Variants in PRELID2 observed in about 807,000 individuals in gnomAD.
PRELID2 encodes the protein PRELI domain-containing protein 2.
Under a neutral mutation model 28.4 loss-of-function variants are expected in PRELID2, and 25 were observed. The ratio of observed to expected loss-of-function variants is 0.88; its 90% CI spans 0.64 to 1.23. The LOEUF (loss-of-function observed/expected upper bound fraction) is 1.23. PRELID2 is among the 50% of genes most tolerant of loss of function. The pLI, the probability that PRELID2 is intolerant of heterozygous loss-of-function variation, is 0.00. For synonymous variants in PRELID2, 76 were observed against 71.6 expected (o/e 1.06, Z -0.31); for missense variants, 201 against 214.4 (o/e 0.94, Z 0.39).
At chr5:145,568,991 C>G (rs945790533) in intron 1 of PRELID2, among the ~76,000 whole-genome samples, 2 of 152,212 alleles carry the variant, frequency 1.3e-5, no homozygotes, top group African/African-American at 4.8e-5. Context: ...CTGTTTGAAA[C>G]TTTCCTATTT....
At chr5:145,654,005 G>A (rs1300034504) in intron 1 of PRELID2, among the ~76,000 whole-genome samples, 2 of 151,836 alleles carry the variant, frequency 1.3e-5, no homozygotes, top group African/African-American at 4.8e-5. Context: ...TCGCTAGCAA[G>A]ACTAATAAAG....
At chr5:145,239,721 C>T in the PRELID2 span, among the ~76,000 whole-genome samples, 92 of 151,870 alleles carry the variant, frequency 6.1e-4, no homozygotes, top group African/African-American at 2.0e-3. Flanking sequence ...GATTTTTAAC[C>T]CATAAGAGTC....
chr5:145,385,934 C>T, the PRELID2 span, among the ~76,000 whole-genome samples: 1 of 152,122 alleles, frequency 6.6e-6, no homozygotes, highest in East Asian at 1.9e-4. Flanking sequence ...CAGATCTCGT[C>T]TTGATTTGTA....
the PRELID2 span, among the ~76,000 whole-genome samples, chr5:145,337,527 C>A: frequency 6.6e-6 from 1 of 151,558 alleles, no homozygotes; most frequent in African/African-American, 2.4e-5. Context: ...GTGCTTCTGA[C>A]CTACCAGCTA....
the PRELID2 span, among the ~76,000 whole-genome samples, chr5:145,457,836 T>C: frequency 6.6e-6 from 1 of 152,176 alleles, no homozygotes; most frequent in Non-Finnish European, 1.5e-5. Flanking sequence ...TACATATTTG[T>C]AAAAGCTGCA....
chr5:145,239,356 G>A, the PRELID2 span, among the ~76,000 whole-genome samples: 2 of 151,958 alleles, frequency 1.3e-5, no homozygotes, highest in Non-Finnish European at 2.9e-5. Context: ...TTGGAGTGAT[G>A]AGAGGACATA....
At chr5:145,331,358 T>C in the PRELID2 span, among the ~76,000 whole-genome samples, 1 of 151,912 alleles carries the variant, frequency 6.6e-6, no homozygotes, top group Non-Finnish European at 1.5e-5. Flanking sequence ...TGATCTAATA[T>C]TGACAGTGGG....
downstream of PRELID2, among the ~76,000 whole-genome samples, chr5:145,468,384 C>T (rs1193315860): frequency 1.3e-5 from 2 of 152,174 alleles, no homozygotes; most frequent in Admixed American, 1.3e-4. Flanking sequence ...CATACGTGTG[C>T]ATGTGTCTTT....
At chr5:145,288,154 C>T in the PRELID2 span, among the ~76,000 whole-genome samples, 2 of 152,098 alleles carry the variant, frequency 1.3e-5, no homozygotes, top group Non-Finnish European at 2.9e-5. Flanking sequence ...TTTTGCCCTC[C>T]TCTCCACACT....
intron 1 of PRELID2, among the ~76,000 whole-genome samples, chr5:145,708,243 C>T (rs1755599131): frequency 6.7e-6 from 1 of 149,430 alleles, no homozygotes; most frequent in Admixed American, 6.7e-5. Flanking sequence ...AGTCTCATCA[C>T]TAAAAAGGAA....
chr5:145,583,319 A>C (rs901473398), intron 1 of PRELID2, among the ~76,000 whole-genome samples: 1 of 152,098 alleles, frequency 6.6e-6, no homozygotes, highest in Non-Finnish European at 1.5e-5. Context: ...TATATAACAA[A>C]CCCACAGCCA....
intron 1 of PRELID2, among the ~76,000 whole-genome samples, chr5:145,561,625 A>G (rs1752926475): frequency 6.6e-6 from 1 of 152,238 alleles, no homozygotes; most frequent in Non-Finnish European, 1.5e-5. Flanking sequence ...TTTTTAGATG[A>G]AAAGAAAGAG....
chr5:145,787,037 T>G (rs191201965), intron 5 of PRELID2, among the ~76,000 whole-genome samples: 2 of 152,098 alleles, frequency 1.3e-5, no homozygotes, highest in African/African-American at 4.8e-5. Context: ...CTGATCACAA[T>G]AAGAATAATG....
chr5:145,276,667 G>T, the PRELID2 span, among the ~76,000 whole-genome samples: 1 of 151,954 alleles, frequency 6.6e-6, no homozygotes, highest in East Asian at 1.9e-4. Flanking sequence ...CATCTAGTTG[G>T]TTCATTAATA....
At chr5:145,568,713 A>G (rs1405185040) in intron 1 of PRELID2, among the ~76,000 whole-genome samples, 1 of 152,202 alleles carries the variant, frequency 6.6e-6, no homozygotes, top group Non-Finnish European at 1.5e-5. Context: ...TAATGATGAA[A>G]TCTTAGCTAC....
the PRELID2 span, among the ~76,000 whole-genome samples, chr5:145,356,410 T>C: frequency 3.3e-5 from 5 of 152,220 alleles, no homozygotes; most frequent in Middle Eastern, 0.01. Flanking sequence ...TTTAAGTCTC[T>C]TTATAGGTCT....
the PRELID2 span, among the ~76,000 whole-genome samples, chr5:145,299,324 G>A: frequency 2.0e-5 from 3 of 152,000 alleles, no homozygotes; most frequent in African/African-American, 7.2e-5. Context: ...TATTTTGAAA[G>A]TTTGTTTGGT....
chr5:145,258,670 C>T, the PRELID2 span, among the ~76,000 whole-genome samples: 1 of 152,038 alleles, frequency 6.6e-6, no homozygotes, highest in African/African-American at 2.4e-5. Context: ...AAGAAAATAC[C>T]TAAAGTTGAA....
chr5:145,829,571 T>G (rs1313972862), intron 1 of PRELID2, among the ~76,000 whole-genome samples: 1 of 152,192 alleles, frequency 6.6e-6, no homozygotes, highest in African/African-American at 2.4e-5. Flanking sequence ...TTATTCTCAT[T>G]TTGCAGATGA....
Sources: allele counts gnomAD v4.1 joint callset (sites outside exome capture counted in the v4.1 genomes callset), GRCh38; gene constraint gnomAD v4.1.1; transcripts MANE v1.5; gene names NCBI Gene and HGNC (gene_info 2026-07-23, HGNC 2026-07-21).